Variants in PCDHA3 observed in about 807,000 individuals in gnomAD.
The protein encoded by PCDHA3 is protocadherin alpha-3.
Under a neutral mutation model 62.2 loss-of-function variants are expected in PCDHA3, and 41 were observed. The observed-to-expected ratio is 0.66, with a 90% confidence interval of 0.51 to 0.86. The LOEUF is 0.86. PCDHA3 is among the 40% of genes least tolerant of loss of function. The pLI is 0.00. For missense variants in PCDHA3, 1,304 were observed against 1,241.2 expected (o/e 1.05, Z -0.76); for synonymous variants, 640 against 555.4 (o/e 1.15, Z -2.14).
At chr5:140,855,286 A>G (rs1387384974) in intron 1 of PCDHA3, among the ~76,000 whole-genome samples, 2 of 149,848 alleles carry the variant, frequency 1.3e-5, no homozygotes, top group Non-Finnish European at 3.0e-5. Flanking sequence ...CCGTATTACT[A>G]TTAGGCCAAA....
At position 141,010,397 on chromosome 5, in the gene PCDHA3, A is replaced by C; in HGVS notation, c.*460A>C. On this transcript the variant is annotated 3_prime_UTR_variant, in exon 4 of 4. Coordinates refer to ENST00000522353, the MANE Select transcript of PCDHA3 (RefSeq NM_018906.3). ...TGCCAGATATTGGCTGAGACGAGCC[A>C]GCTTAGACTAATTGGTACAAGGAAG... 7.5e-7 allele frequency: 1 copy of C among 1,329,462 alleles called. No individual in the cohort carries two copies. The highest frequency in any genetic ancestry group is 1.0e-6 in the Non-Finnish European group (1 of 994,158). The allele number at this position is 1,329,462 out of a possible 1,614,324, so 82.4% of individuals were successfully genotyped here.
At chr5:140,998,122 A>G (rs2097797315) in intron 3 of PCDHA3, among the ~76,000 whole-genome samples, 1 of 152,214 alleles carries the variant, frequency 6.6e-6, no homozygotes, top group Admixed American at 6.5e-5. Flanking sequence ...TTACTTGTGA[A>G]TCATAATAGC....
intron 1 of PCDHA3, chr5:140,967,572 A>T (rs782502082): frequency 4.3e-6 from 7 of 1,613,544 alleles, no homozygotes; most frequent in Middle Eastern, 3.3e-4. Flanking sequence ...CTACGGGAGG[A>T]CTCACCCCCA....
intron 1 of PCDHA3, among the ~76,000 whole-genome samples, chr5:140,934,422 A>G (rs2089824417): frequency 1.3e-5 from 2 of 152,176 alleles, no homozygotes; most frequent in South Asian, 2.1e-4. Flanking sequence ...TGCATTATCA[A>G]TGCAAGTGTA....
At chr5:140,834,395 G>A in intron 1 of PCDHA3, 1 of 1,598,712 alleles carries the variant, frequency 6.3e-7, no homozygotes, top group Non-Finnish European at 8.5e-7. Context: ...TGGTGTGCCC[G>A]AATGGATACG....
chr5:140,882,836 T>C (rs782210486), intron 1 of PCDHA3: 1 of 1,614,226 alleles, frequency 6.2e-7, no homozygotes, highest in South Asian at 1.1e-5. Flanking sequence ...TGAGCAAATG[T>C]CTTCATTATC....
chr5:140,842,067 T>G, intron 1 of PCDHA3: 1 of 1,613,874 alleles, frequency 6.2e-7, no homozygotes, highest in Non-Finnish European at 8.5e-7. Flanking sequence ...GAATACGAAG[T>G]AAGAATATTC....
At chr5:140,856,678 G>A in intron 1 of PCDHA3, 5 of 1,597,744 alleles carry the variant, frequency 3.1e-6, no homozygotes, top group Non-Finnish European at 4.3e-6. Flanking sequence ...TAAAGTTGTT[G>A]TTGACAGCAA....
chr5:140,975,056 A>C (rs1006106436), intron 1 of PCDHA3, among the ~76,000 whole-genome samples: 1 of 152,154 alleles, frequency 6.6e-6, no homozygotes, highest in Non-Finnish European at 1.5e-5. Flanking sequence ...AGAATCTACT[A>C]TCGAGCTCAT....
intron 1 of PCDHA3, chr5:140,805,640 T>C (rs17286787): frequency 0.065 from 55,694 of 861,106 alleles, 1,873 homozygotes; most frequent in Non-Finnish European, 0.071. Flanking sequence ...GGTTTATTTA[T>C]TGGGAAGTCT....
At chr5:140,809,261 G>T (rs1554125107) in intron 1 of PCDHA3, 2 of 1,613,992 alleles carry the variant, frequency 1.2e-6, no homozygotes, top group Non-Finnish European at 1.7e-6. Context: ...TCCCGATGCT[G>T]CGCTGGTGGA....
chr5:141,002,019 T>G (rs1420727822), intron 3 of PCDHA3, among the ~76,000 whole-genome samples: 4 of 152,176 alleles, frequency 2.6e-5, no homozygotes, highest in Admixed American at 6.5e-5. Flanking sequence ...CTGCACAGCC[T>G]TCGGTGCCCT....
intron 3 of PCDHA3, among the ~76,000 whole-genome samples, chr5:140,996,144 T>C (rs2097714056): frequency 6.6e-6 from 1 of 152,210 alleles, no homozygotes; most frequent in African/African-American, 2.4e-5. Context: ...TCCCATTATC[T>C]TGCCTTCCTT....
chr5:140,846,028 T>C (rs1415683647), intron 1 of PCDHA3, among the ~76,000 whole-genome samples: 1 of 149,754 alleles, frequency 6.7e-6, no homozygotes, highest in Non-Finnish European at 1.5e-5. Flanking sequence ...ATTACGAGTT[T>C]AGGAAAGTCA....
At chr5:140,905,635 A>T (rs2071990855) in intron 1 of PCDHA3, among the ~76,000 whole-genome samples, 1 of 152,206 alleles carries the variant, frequency 6.6e-6, no homozygotes, top group Non-Finnish European at 1.5e-5. Context: ...CAGTATGGTC[A>T]GTTTCACAGT....
At chr5:140,917,329 G>GGGGGGGGGGGGT (rs1563018868) in intron 1 of PCDHA3, among the ~76,000 whole-genome samples, 1 of 143,928 alleles carries the variant, frequency 6.9e-6, no homozygotes, top group Non-Finnish European at 1.5e-5. Context: ...TGTGGCGGGG[G>GGGGGGGGGGGGT]AGGGGGGGGA....
intron 1 of PCDHA3, among the ~76,000 whole-genome samples, chr5:140,935,149 T>C (rs1241997966): frequency 6.6e-6 from 1 of 152,192 alleles, no homozygotes; most frequent in Admixed American, 6.5e-5. Context: ...CTTAGAGATA[T>C]AATCTCAACA....
intron 1 of PCDHA3, chr5:140,883,058 C>T (rs782098362): frequency 6.2e-7 from 1 of 1,614,074 alleles, no homozygotes; most frequent in Admixed American, 1.7e-5. Flanking sequence ...AGTGATCAAG[C>T]TAAATGCCAC....
rs782491268 is a variant in PCDHA3 at position 140,857,317 on chromosome 5, G to T, written c.2394+53726G>T. 1.5e-5 allele frequency: 24 copies of T among 1,598,644 alleles called. 2 individuals carry two copies. The highest frequency in any genetic ancestry group is 1.9e-5 in the Non-Finnish European group (22 of 1,168,052). ...AGAGGGTGTCGGCCTATGAGCTGGTGGTGACCGCGCGGGACGGGGGCTCGC... is the reference window on the plus strand; with the variant it reads ...AGAGGGTGTCGGCCTATGAGCTGGTTGTGACCGCGCGGGACGGGGGCTCGC... On this transcript the variant is annotated intron_variant, in intron 1 of 3. Transcript: ENST00000522353.
Sources: allele counts gnomAD v4.1 joint callset (sites outside exome capture counted in the v4.1 genomes callset), GRCh38; gene constraint gnomAD v4.1.1; transcripts MANE v1.5; gene names NCBI Gene and HGNC (gene_info 2026-07-23, HGNC 2026-07-21).